Variants in SNX15 observed in about 807,000 individuals in gnomAD.
The protein encoded by SNX15 is sorting nexin 15.
Under a neutral mutation model 35.2 loss-of-function variants are expected in SNX15, and 29 were observed. The ratio of observed to expected loss-of-function variants is 0.82; its 90% CI spans 0.61 to 1.12. The LOEUF is 1.12. SNX15 is among the 50% of genes most tolerant of loss of function. The pLI, the probability that SNX15 is intolerant of heterozygous loss-of-function variation, is 0.00. For synonymous variants in SNX15, 189 were observed against 188.2 expected, an observed-to-expected ratio of 1.00 and a Z score of -0.03; for missense variants, 400 against 451.5, an observed-to-expected ratio of 0.89 and a Z score of 1.03.
intron 3 of SNX15, among the ~76,000 whole-genome samples, chr11:65,033,747 G>T (rs1223029032): frequency 6.6e-6 from 1 of 151,930 alleles, no homozygotes; most frequent in East Asian, 1.9e-4. Flanking sequence ...CTGTCACCCA[G>T]GCTGGAGTCC....
At chr11:65,029,138 T>C (rs1946410156) in intron 1 of SNX15, among the ~76,000 whole-genome samples, 1 of 151,010 alleles carries the variant, frequency 6.6e-6, no homozygotes, top group South Asian at 2.1e-4. Flanking sequence ...AAAATAAGTC[T>C]TCCCAGTGGC....
chr11:65,032,615 C>T (rs767479041), intron 3 of SNX15, 64 bp downstream of exon 3: 33 of 1,600,472 alleles, frequency 2.1e-5, no homozygotes, highest in Middle Eastern at 1.7e-4. Context: ...AGGGGACCTC[C>T]GCCAGTGGGG....
chr11:65,028,927 A>G (rs972800745), intron 1 of SNX15, among the ~76,000 whole-genome samples: 1 of 151,700 alleles, frequency 6.6e-6, no homozygotes, highest in African/African-American at 2.4e-5. Flanking sequence ...CCCCATCTCT[A>G]CTAAAAATAC....
rs374759425 is a variant in SNX15, at chr11:65,035,484, C to T, written c.521-36C>T. On this transcript the variant is annotated intron_variant, in intron 5 of 7. Transcript: ENST00000377244. ...TCTATTTTGAAAGCTGAGAAATAAA[C>T]GCAGGTATTCATGACCCCACTTATC... 1.9e-5 allele frequency: 30 copies of T among 1,544,716 alleles called. No individual in the cohort carries two copies. The Admixed American group carries it at 2.5e-4, about 13-fold the overall frequency.
chr11:65,034,626 T>G (rs1295742174), intron 3 of SNX15, among the ~76,000 whole-genome samples: 1 of 152,188 alleles, frequency 6.6e-6, no homozygotes, highest in Non-Finnish European at 1.5e-5. Flanking sequence ...ATATAGTAGG[T>G]GCTCAGTAAA....
Position 65,032,159 on chromosome 11 carries a change from C to A in SNX15, c.100-9C>A. ...CTGGTCTCAACCAGCTCTTGCCTTT[C>A]TTTCTCAGTTCATCTCAAAGAAGGA... On this transcript the variant is annotated splice_polypyrimidine_tract_variant and intron_variant, in intron 1 of 7. Coordinates refer to ENST00000377244, the MANE Select transcript of SNX15 (RefSeq NM_013306.5). 6.2e-7 allele frequency: 1 copy of A among 1,614,084 alleles called. No individual in the cohort carries two copies. Among genetic ancestry groups the A allele is most frequent in the Non-Finnish European group, 8.5e-7 (1 of 1,179,940 alleles).
intron 7 of SNX15, 95 bp downstream of exon 7, chr11:65,038,924 C>T: frequency 3.9e-6 from 4 of 1,029,134 alleles, no homozygotes; most frequent in Non-Finnish European, 5.4e-6. Context: ...GATCAGGAGC[C>T]CTTTTACTCC....
chr11:65,039,557 T>G (rs189386912), intron 7 of SNX15, 129 bp from the exon 8 acceptor site: 1 of 611,844 alleles, frequency 1.6e-6, no homozygotes, highest in East Asian at 2.8e-5. Flanking sequence ...CTGAGGAGAA[T>G]GGATGCTGGG....
Position 65,032,192 on chromosome 11 carries a change from G to T in SNX15, c.124G>T (p.Asp42Tyr). The T allele has an allele frequency of 6.2e-7, 1 of 1,614,212 alleles. No individual in the cohort carries two copies. Among genetic ancestry groups the T allele is most frequent in the African/African-American group, 1.3e-5 (1 of 75,066 alleles). ...AQFISKKDPEDVKEVVVWKRY... is the reference protein window; with the variant it reads ...AQFISKKDPEYVKEVVVWKRY... ...GTTCATCTCAAAGAAGGACCCAGAGGATGTCAAAGAGGTGAGGCTCCTGGG... is the reference window on the plus strand; with the variant it reads ...GTTCATCTCAAAGAAGGACCCAGAGTATGTCAAAGAGGTGAGGCTCCTGGG... The change falls in exon 2 of 8, where the codon GAT (aspartate) becomes TAT (tyrosine). Residue 42 changes from aspartate to tyrosine, a missense_variant. By Grantham distance (160) the Asp-to-Tyr change is radical. Coordinates refer to ENST00000377244, the MANE Select transcript of SNX15 (RefSeq NM_013306.5).
intron 1 of SNX15, among the ~76,000 whole-genome samples, chr11:65,031,733 A>C (rs997492220): frequency 6.6e-6 from 1 of 152,214 alleles, no homozygotes; most frequent in African/African-American, 2.4e-5. Context: ...GGGAAACCCC[A>C]TCTCTACTAA....
At chr11:65,032,722 G>A (rs1946455062) in intron 3 of SNX15, among the ~76,000 whole-genome samples, 171 bp downstream of exon 3, 1 of 152,188 alleles carries the variant, frequency 6.6e-6, no homozygotes, top group Non-Finnish European at 1.5e-5. Flanking sequence ...GAGGCTCAGA[G>A]TAGCCTAACC....
Position 65,039,888 on chromosome 11 carries a change from C to G in SNX15, c.*96C>G. On this transcript the variant is annotated 3_prime_UTR_variant, in exon 8 of 8. Transcript: ENST00000377244. ...GCCCTACCTCCTGGTCTTGTAATTACAGGAGCCATTTCTGTAGGTAACTGG... is the reference window on the plus strand; with the variant it reads ...GCCCTACCTCCTGGTCTTGTAATTAGAGGAGCCATTTCTGTAGGTAACTGG... 1 of 735,390 alleles carries G rather than the reference C, an allele frequency of 1.4e-6. No individual in the cohort carries two copies. The highest frequency in any genetic ancestry group is 2.3e-6 in the Non-Finnish European group (1 of 435,366). 45.6% of individuals were successfully genotyped at this position (735,390 alleles called of 1,614,324 possible). A position where few individuals can be genotyped will look rare whatever the true frequency, so the allele number is the denominator to read the frequency against.
intron 3 of SNX15, 33 bp downstream of exon 3, chr11:65,032,584 A>G (rs1346165243): frequency 6.2e-7 from 1 of 1,613,482 alleles, no homozygotes; most frequent in Admixed American, 1.7e-5. Flanking sequence ...CGGGCCAAAG[A>G]TGGAGGGAGC....
chr11:65,039,568 C>T, intron 7 of SNX15, 118 bp from the exon 8 acceptor site: 1 of 631,164 alleles, frequency 1.6e-6, no homozygotes, highest in Non-Finnish European at 2.9e-6. Context: ...GGATGCTGGG[C>T]CCCAGAGAGG....
chr11:65,038,579 A>T lies in SNX15; in HGVS notation c.672A>T (p.Ala224=). ...CTCCCTTTCTAACTGCAGAAGGCGC[A>T]GCCCCCAGCCCCACCCATGTGGCTG... ...LFDPFSKEEG[A]APSPTHVAEL... is the part of the protein sequence containing the mutation. Residue 224 remains alanine, a synonymous_variant, in exon 7 of 8, where the codon GCA becomes GCT. Transcript: ENST00000377244. 6.5e-7 allele frequency: 1 copy of T among 1,538,078 alleles called. No individual in the cohort carries two copies. Among genetic ancestry groups the T allele is most frequent in the Non-Finnish European group, 8.7e-7 (1 of 1,144,006 alleles).
At chr11:65,029,230 C>T (rs1206700814) in intron 1 of SNX15, among the ~76,000 whole-genome samples, 2 of 151,842 alleles carry the variant, frequency 1.3e-5, no homozygotes, top group African/African-American at 4.8e-5. Context: ...TCGATCTCAG[C>T]TCACTGCAAA....
rs1290331698 is a variant in SNX15 at position 65,039,786 on chromosome 11, A to T, written c.1023A>T (p.Pro341=). 1 of 1,605,952 alleles carries T rather than the reference A, an allele frequency of 6.2e-7. No homozygotes were observed. The highest frequency in any genetic ancestry group is 1.7e-5 in the Admixed American group (1 of 59,550). The change falls in exon 8 of 8, where the codon CCA becomes CCT. Residue 341 remains proline, a synonymous_variant. Transcript: ENST00000377244. ...TGCGCCTGCACCTGTCTCAACTCCC[A>T]CCCTAACAGGGAGTGGGCCATTCCC... ...EILRLHLSQL[P]P
chr11:65,032,732 C>G (rs1406315925), intron 3 of SNX15, among the ~76,000 whole-genome samples, 181 bp downstream of exon 3: 1 of 152,168 alleles, frequency 6.6e-6, no homozygotes, highest in Non-Finnish European at 1.5e-5. Flanking sequence ...GTAGCCTAAC[C>G]CTTACTGTGT....
At chr11:65,034,281 C>T (rs1946474040) in intron 3 of SNX15, among the ~76,000 whole-genome samples, 1 of 152,092 alleles carries the variant, frequency 6.6e-6, no homozygotes, top group Non-Finnish European at 1.5e-5. Flanking sequence ...ATTAGCCAGG[C>T]ATGATTGTGT....
Sources: allele counts gnomAD v4.1 joint callset (sites outside exome capture counted in the v4.1 genomes callset), GRCh38; gene constraint gnomAD v4.1.1; transcripts MANE v1.5; gene names NCBI Gene and HGNC (gene_info 2026-07-23, HGNC 2026-07-21).